The following PPFIA1 variants were observed in gnomAD, a reference collection of about 807,000 sequenced individuals.
PPFIA1 encodes the protein PPFI scaffold protein A1, also known as liprin-alpha-1.
PPFIA1 carries 25 observed loss-of-function variants against 149.9 expected under a neutral mutation model. That is an observed-to-expected ratio of 0.17 (90% CI 0.12 to 0.23). PPFIA1 has a LOEUF of 0.23. Among genes scored for constraint, PPFIA1 ranks in the 10% least tolerant of loss-of-function variants. The pLI is 1.00. For synonymous variants in PPFIA1, 549 were observed against 552.8 expected, an observed-to-expected ratio of 0.99 and a Z score of 0.10; for missense variants, 1,362 against 1,506.5, an observed-to-expected ratio of 0.90 and a Z score of 1.59.
intron 2 of PPFIA1, among the ~76,000 whole-genome samples, chr11:70,299,390 A>G (rs1030292767): frequency 6.6e-6 from 1 of 152,176 alleles, no homozygotes; most frequent in African/African-American, 2.4e-5. Context: ...ACTACTCAAC[A>G]CTGGCAGGCA....
intron 24 of PPFIA1, among the ~76,000 whole-genome samples, chr11:70,376,153 T>C (rs902443549): frequency 2.6e-5 from 4 of 152,192 alleles, no homozygotes; most frequent in African/African-American, 4.8e-5. Flanking sequence ...CGTGCCCGGC[T>C]TATTTTTGTA....
chr11:70,291,118 C>T (rs551598211), intron 2 of PPFIA1, among the ~76,000 whole-genome samples: 20 of 152,240 alleles, frequency 1.3e-4, no homozygotes, highest in Admixed American at 3.3e-4. Flanking sequence ...CTCCCGACCT[C>T]AGGTTATCCA....
chr11:70,359,042 C>G (rs1021128104), intron 19 of PPFIA1, among the ~76,000 whole-genome samples: 8 of 152,198 alleles, frequency 5.3e-5, no homozygotes, highest in African/African-American at 1.9e-4. Flanking sequence ...TGGGCAGTCA[C>G]CAGCCACAGG....
At chr11:70,333,177 G>A in intron 9 of PPFIA1, 1 of 523,468 alleles carries the variant, frequency 1.9e-6, no homozygotes, top group South Asian at 1.6e-5. Flanking sequence ...GCAGTCCAAG[G>A]ATGGGAGAAT....
intron 2 of PPFIA1, among the ~76,000 whole-genome samples, chr11:70,318,995 T>C (rs1555098128): frequency 6.6e-6 from 1 of 152,204 alleles, no homozygotes; most frequent in Non-Finnish European, 1.5e-5. Flanking sequence ...ATTTGCAGTC[T>C]CTACAACACA....
At chr11:70,294,728 A>T (rs2051783363) in intron 2 of PPFIA1, among the ~76,000 whole-genome samples, 1 of 151,652 alleles carries the variant, frequency 6.6e-6, no homozygotes, top group East Asian at 1.9e-4. Flanking sequence ...GTCCCTGGGT[A>T]CTTGAGATTA....
chr11:70,340,526 G>C (rs907546837), intron 14 of PPFIA1, among the ~76,000 whole-genome samples: 25 of 152,162 alleles, frequency 1.6e-4, no homozygotes, highest in Non-Finnish European at 8.8e-5. Context: ...TTCTTTCTTT[G>C]GTCTGTTCAG....
intron 16 of PPFIA1, among the ~76,000 whole-genome samples, chr11:70,350,334 G>A (rs2055981181): frequency 6.9e-6 from 1 of 144,200 alleles, no homozygotes; most frequent in Admixed American, 7.0e-5. Flanking sequence ...TGATGATTGT[G>A]TTCAAGACTG....
intron 15 of PPFIA1, chr11:70,345,977 A>G (rs767966511): frequency 4.4e-6 from 2 of 455,302 alleles, no homozygotes; most frequent in African/African-American, 2.0e-5. Context: ...CCCTGTGTGA[A>G]GTTAACATGG....
chr11:70,324,558 G>A, intron 3 of PPFIA1, 55 bp downstream of exon 3: 1 of 1,428,634 alleles, frequency 7.0e-7, no homozygotes, highest in Non-Finnish European at 9.8e-7. Context: ...TCAGGAGGAG[G>A]GGCGGTGTGT....
chr11:70,307,239 C>T (rs910635110), intron 2 of PPFIA1, among the ~76,000 whole-genome samples: 1 of 152,132 alleles, frequency 6.6e-6, no homozygotes, highest in South Asian at 2.1e-4. Context: ...TATAGATGCA[C>T]AGGTATAGAA....
intron 19 of PPFIA1, among the ~76,000 whole-genome samples, chr11:70,359,004 A>G (rs2056500746): frequency 6.6e-6 from 1 of 152,238 alleles, no homozygotes; most frequent in African/African-American, 2.4e-5. Context: ...CAGGGTAAGC[A>G]GACTCGGGAG....
intron 21 of PPFIA1, among the ~76,000 whole-genome samples, chr11:70,369,353 T>C (rs1470374025): frequency 6.6e-6 from 1 of 152,218 alleles, no homozygotes; most frequent in Non-Finnish European, 1.5e-5. Flanking sequence ...TCATGATATC[T>C]TATTGTTTTA....
intron 4 of PPFIA1, 101 bp downstream of exon 4, chr11:70,325,112 C>A: frequency 8.5e-7 from 1 of 1,180,820 alleles, no homozygotes; most frequent in Non-Finnish European, 1.2e-6. Flanking sequence ...TTCTTGAATT[C>A]TTGGAAATAA....
Position 70,370,479 on chromosome 11 carries a change from T to C in PPFIA1, c.2866-1736T>C, listed in dbSNP as rs564659232. Among the ~76,000 whole-genome samples, 4 of 151,702 alleles carry C rather than the reference T, an allele frequency of 2.6e-5. 1 individual carries two copies. In the South Asian group the frequency reaches 8.4e-4, roughly 32 times the overall value. On this transcript the variant is annotated intron_variant, in intron 21 of 27. Coordinates refer to ENST00000253925, the MANE Select transcript of PPFIA1 (RefSeq NM_003626.5). The stretch of plus-strand genomic sequence containing the variant: ...TTGGCTCACTGCAACCTCCACCTCC[T>C]GGGTTCAAGCCATTCTCCTGCCTCA...
At chr11:70,327,138 G>T in intron 7 of PPFIA1, 1 of 270,456 alleles carries the variant, frequency 3.7e-6, no homozygotes, top group Non-Finnish European at 7.1e-6. Context: ...CTTGTTTGTA[G>T]ATTCTTCATC....
chr11:70,381,311 C>G (rs2135492542), intron 26 of PPFIA1: 1 of 152,278 alleles, frequency 6.6e-6, no homozygotes, highest in South Asian at 2.1e-4. Context: ...CCGGGAGCAG[C>G]CAGTACCTGC....
At position 70,383,098 on chromosome 11, in the gene PPFIA1, T is replaced by C; in HGVS notation, c.*108T>C. The C allele has an allele frequency of 2.4e-6, 1 of 411,252 alleles. No homozygotes were observed. The highest frequency in any genetic ancestry group is 4.7e-6 in the Non-Finnish European group (1 of 213,368). 25.5% of individuals were successfully genotyped at this position (411,252 alleles called of 1,614,324 possible). ...GTGGAATCTTTAATCTTGTTAATACTTGTTATATGGACCCTAAGATATTTT... is the reference window on the plus strand; with the variant it reads ...GTGGAATCTTTAATCTTGTTAATACCTGTTATATGGACCCTAAGATATTTT... On this transcript the variant is annotated 3_prime_UTR_variant, in exon 28 of 28. Coordinates refer to ENST00000253925, the MANE Select transcript of PPFIA1 (RefSeq NM_003626.5).
intron 2 of PPFIA1, among the ~76,000 whole-genome samples, chr11:70,281,437 C>T (rs2050754340): frequency 6.6e-6 from 1 of 152,198 alleles, no homozygotes; most frequent in Non-Finnish European, 1.5e-5. Context: ...GCCCCTCTTT[C>T]TTGGCGTGTC....
Sources: allele counts gnomAD v4.1 joint callset (sites outside exome capture counted in the v4.1 genomes callset), GRCh38; gene constraint gnomAD v4.1.1; transcripts MANE v1.5; gene names NCBI Gene and HGNC (gene_info 2026-07-23, HGNC 2026-07-21).